The following SNRK variants were observed in gnomAD, a reference collection of about 807,000 sequenced individuals.
The protein encoded by SNRK is SNF related kinase.
A neutral mutation model predicts 48.2 loss-of-function variants in SNRK; 3 were observed. That is an observed-to-expected ratio of 0.06 (90% CI 0.03 to 0.16). The LOEUF is 0.16. Ranked by LOEUF, SNRK falls within the 10% of genes least tolerant of loss-of-function variation. The pLI is 1.00. For synonymous variants in SNRK, 376 were observed against 366.1 expected, an observed-to-expected ratio of 1.03 and a Z score of -0.31; for missense variants, 627 against 976.0, an observed-to-expected ratio of 0.64 and a Z score of 4.76.
At chr3:43,296,279 A>G (rs1004348575) in intron 1 of SNRK, among the ~76,000 whole-genome samples, 20 of 151,786 alleles carry the variant, frequency 1.3e-4, no homozygotes, top group Admixed American at 1.1e-3. Context: ...GTTTCTCAGG[A>G]AGGATTACAG....
intron 4 of SNRK, among the ~76,000 whole-genome samples, chr3:43,334,828 G>A (rs560512096): frequency 1.1e-4 from 16 of 152,242 alleles, no homozygotes; most frequent in African/African-American, 3.4e-4. Flanking sequence ...TCTTAACCTC[G>A]TGATCCGCCT....
chr3:43,296,408 A>C (rs2090852833), intron 1 of SNRK, among the ~76,000 whole-genome samples: 1 of 113,338 alleles, frequency 8.8e-6, no homozygotes, highest in African/African-American at 3.4e-5. Context: ...TTAGATGGAT[A>C]TACTGGCATA....
At chr3:43,334,598 T>C (rs999705621) in intron 4 of SNRK, among the ~76,000 whole-genome samples, 4 of 151,956 alleles carry the variant, frequency 2.6e-5, no homozygotes, top group African/African-American at 9.7e-5. Flanking sequence ...ATTTATATTA[T>C]CTTTTTTTTT....
intron 3 of SNRK, among the ~76,000 whole-genome samples, chr3:43,317,768 A>G (rs1448195106): frequency 6.6e-6 from 1 of 152,082 alleles, no homozygotes; most frequent in Non-Finnish European, 1.5e-5. Context: ...GTCACCCCTC[A>G]GTGAGGCCTC....
At position 43,347,413 on chromosome 3, in the gene SNRK, C is replaced by T. The variant is rs183015402; in HGVS notation, c.1154C>T (p.Ala385Val). 73 of 1,613,560 alleles carry T rather than the reference C, an allele frequency of 4.5e-5. No homozygotes were observed. The highest frequency in any genetic ancestry group is 9.3e-5 in the African/African-American group (7 of 75,032). Residue 385 changes from alanine (A) to valine (V), a missense_variant, in exon 7 of 7, where the codon GCG becomes GTG. This residue lies in a region of SNRK where 175 missense variants were observed against 209.7 expected (regional missense o/e 0.83). Coordinates refer to ENST00000296088, the MANE Select transcript of SNRK (RefSeq NM_017719.5). This position sits in a 1 kb window ranked among gnomAD's most constrained non-coding sequence, Gnocchi z 5.4. ...DDLTATPLSHATVPQSPARAA... is the reference protein window; with the variant it reads ...DDLTATPLSHVTVPQSPARAA... ...CTCACGGCCACTCCTTTGTCCCACG[C>T]GACTGTCCCTCAGTCTCCTGCTCGG...
chr3:43,300,423 T>A (rs764791530), intron 2 of SNRK, among the ~76,000 whole-genome samples: 1 of 152,160 alleles, frequency 6.6e-6, no homozygotes, highest in African/African-American at 2.4e-5. Context: ...CAGGAACACA[T>A]CTAAACTAAA....
At chr3:43,332,428 A>G in intron 4 of SNRK, 118 bp downstream of exon 4, 1 of 354,644 alleles carries the variant, frequency 2.8e-6, no homozygotes, top group Non-Finnish European at 3.7e-6. Flanking sequence ...ATCTGGGTTG[A>G]TTTTAATTTT....
intron 4 of SNRK, among the ~76,000 whole-genome samples, chr3:43,338,332 A>G (rs1393774229): frequency 6.6e-6 from 1 of 152,222 alleles, no homozygotes; most frequent in Non-Finnish European, 1.5e-5. Flanking sequence ...TTATGCTCCT[A>G]AAAGATGGTT....
intron 3 of SNRK, among the ~76,000 whole-genome samples, chr3:43,328,052 A>G (rs1386366771): frequency 1.3e-5 from 2 of 152,162 alleles, no homozygotes; most frequent in Non-Finnish European, 2.9e-5. Context: ...CTGAAATAAA[A>G]ACATACACTT....
At chr3:43,343,944 A>G (rs2091256190) in intron 6 of SNRK, among the ~76,000 whole-genome samples, 1 of 152,316 alleles carries the variant, frequency 6.6e-6, no homozygotes, top group African/African-American at 2.4e-5. Flanking sequence ...TGGATAGTCA[A>G]CATTAGCTAG....
At chr3:43,312,534 T>C (rs2090986052) in intron 3 of SNRK, among the ~76,000 whole-genome samples, 1 of 152,184 alleles carries the variant, frequency 6.6e-6, no homozygotes, top group Non-Finnish European at 1.5e-5. Flanking sequence ...GATAACATCC[T>C]ACTTAATGGT....
intron 2 of SNRK, 119 bp from the exon 3 acceptor site, chr3:43,302,979 A>G (rs2090909497): frequency 2.3e-6 from 1 of 428,226 alleles, no homozygotes; most frequent in Middle Eastern, 6.0e-4. Flanking sequence ...CTCATTTTTT[A>G]TCTCAATTTA....
At chr3:43,334,047 G>T (rs2091168358) in intron 4 of SNRK, among the ~76,000 whole-genome samples, 1 of 152,136 alleles carries the variant, frequency 6.6e-6, no homozygotes, top group African/African-American at 2.4e-5. Context: ...TCAGGAGGCT[G>T]AGGCAGGAGA....
chr3:43,314,891 A>T (rs973975599), intron 3 of SNRK: 17 of 152,184 alleles, frequency 1.1e-4, no homozygotes, highest in Admixed American at 3.9e-4. Flanking sequence ...AAAAATTTTT[A>T]AAAAAAGGTC....
intron 3 of SNRK, among the ~76,000 whole-genome samples, chr3:43,305,982 G>A (rs898035835): frequency 1.3e-5 from 2 of 152,044 alleles, no homozygotes; most frequent in African/African-American, 4.8e-5. Flanking sequence ...GTACACAGGA[G>A]TTCATTGTAA....
chr3:43,319,321 A>G (rs1286687070), intron 3 of SNRK, among the ~76,000 whole-genome samples: 3 of 152,242 alleles, frequency 2.0e-5, no homozygotes, highest in African/African-American at 4.8e-5. Context: ...AACCTAAGAA[A>G]AAACATTACA....
chr3:43,348,840 A>C lies in SNRK; in HGVS notation c.*283A>C. 3.5e-6 allele frequency: 1 copy of C among 283,206 alleles called. No individual in the cohort carries two copies. The highest frequency in any genetic ancestry group is 6.5e-6 in the Non-Finnish European group (1 of 153,420). The allele number at this position is 283,206 out of a possible 1,614,324, so 17.5% of individuals were successfully genotyped here. A position where few individuals can be genotyped will look rare whatever the true frequency, so the allele number is the denominator to read the frequency against. ...AGATATATATCTGGAACCTCTTATA[A>C]ATGGAGCACTTAGAAATTTGTTGTT... On this transcript the variant is annotated 3_prime_UTR_variant, in exon 7 of 7. Transcript: ENST00000296088.
intron 3 of SNRK, among the ~76,000 whole-genome samples, chr3:43,324,214 T>C (rs753487017): frequency 4.6e-5 from 7 of 152,310 alleles, no homozygotes; most frequent in Non-Finnish European, 8.8e-5. Context: ...TGCTAATAAA[T>C]CTTACTGGCG....
At chr3:43,289,861 T>A (rs898713773) in intron 1 of SNRK, 1 of 152,674 alleles carries the variant, frequency 6.5e-6, no homozygotes, top group Non-Finnish European at 1.5e-5. Flanking sequence ...TCTGCTGCCA[T>A]GTGGCTACTC....
Sources: gnomAD v4.1 joint callset for allele counts (sites outside exome capture counted in the v4.1 genomes callset) on GRCh38, gnomAD v4.1.1 for gene constraint, gnomAD v4.1.1 regional missense constraint, Gnocchi (gnomAD v3.1) non-coding constraint, MANE v1.5 for transcripts, NCBI Gene and HGNC (gene_info 2026-07-23, HGNC 2026-07-21) for gene names.